Variants in NRK observed in about 807,000 individuals in gnomAD.
NRK encodes the protein Nik related kinase, also known as nik-related protein kinase.
In NRK, 67 loss-of-function variants were observed where a neutral mutation model predicts 125.2. The ratio of observed to expected loss-of-function variants is 0.54; its 90% CI spans 0.44 to 0.66. NRK has a LOEUF of 0.66. Among genes scored for constraint, NRK ranks in the 30% least tolerant of loss-of-function variants. NRK has a pLI of 0.00. For synonymous variants in NRK, 458 were observed against 429.0 expected, an observed-to-expected ratio of 1.07 and a Z score of -0.84; for missense variants, 1,224 against 1,192.9, an observed-to-expected ratio of 1.03 and a Z score of -0.38.
rs1163747636 is a variant in NRK at position 105,830,170 on chromosome X, C to T, written c.58-884C>T. 4.7e-5 allele frequency among the ~76,000 whole-genome samples: 5 copies of T among 107,158 alleles called. No homozygotes were observed. In the Admixed American group the frequency reaches 5.1e-4, roughly 11 times the overall value. 93.1% of individuals were successfully genotyped at this position (107,158 alleles called of 115,157 possible). ...CAGCCTGACCAACATGAAGAAACCC[C>T]GTCTCTGCTAAAAATACAAAATAAG... On this transcript the variant is annotated intron_variant, in intron 1 of 28. Transcript: ENST00000243300.
In NRK at chrX:105,928,470, T is replaced by C. The variant is rs1226947391; in HGVS notation, c.3312+3439T>C. On this transcript the variant is annotated intron_variant, in intron 19 of 28. Coordinates refer to ENST00000243300, the MANE Select transcript of NRK (RefSeq NM_198465.4). ...TGTTGTATTTCTTCTGTATTGTTTT[T>C]GAGTCTCAATTTCATTTACTTTTGC... is the stretch of plus-strand genomic sequence containing the variant. Among the ~76,000 whole-genome samples the C allele has an allele frequency of 2.7e-5, 3 of 111,711 alleles. No homozygotes were observed. The Admixed American group carries it at 2.9e-4, about 11-fold the overall frequency.
intron 19 of NRK, among the ~76,000 whole-genome samples, chrX:105,925,688 A>G (rs758378413): frequency 2.7e-3 from 306 of 111,589 alleles, no homozygotes; most frequent in Non-Finnish European, 4.6e-3. Flanking sequence ...GCATATGAGT[A>G]AGAACATGTG....
intron 2 of NRK, among the ~76,000 whole-genome samples, chrX:105,848,151 CCATT>C (rs1216762316): frequency 1.8e-5 from 2 of 111,635 alleles, no homozygotes; most frequent in Non-Finnish European, 3.8e-5. Context: ...TGATAGGACT[CCATT>C]CAGGTCGTAG....
At chrX:105,943,868 T>A in intron 23 of NRK, 73 bp from the exon 24 acceptor site, 1 of 547,169 alleles carries the variant, frequency 1.8e-6, no homozygotes, top group East Asian at 3.8e-5. Flanking sequence ...TGGCATTTTT[T>A]ATGACAAATA....
rs764355898 is a variant in NRK, at chrX:105,923,145, A to C, written c.2638A>C (p.Ile880Leu). Residue 880 changes from isoleucine to leucine, a missense_variant, in exon 18 of 29, where the codon ATA becomes CTA. Physicochemically the swap from Ile to Leu is conservative, Grantham distance 5. Coordinates refer to ENST00000243300, the MANE Select transcript of NRK (RefSeq NM_198465.4). ...HVPDGFKVGK[I>L]SPPVYLTNEW... Reference sequence around the variant, plus strand: ...TCCAGATGGATTTAAAGTAGGAAAAATATCACCCCCTGTATACTTGACAAA... The same window carrying C: ...TCCAGATGGATTTAAAGTAGGAAAACTATCACCCCCTGTATACTTGACAAA... 33 of 1,201,015 alleles carry C rather than the reference A, an allele frequency of 2.7e-5. No individual in the cohort carries two copies. In the South Asian group the frequency reaches 5.3e-4, roughly 19 times the overall value.
At chrX:105,923,003 A>G (rs1313209024) in intron 17 of NRK, 115 bp from the exon 18 acceptor site, 15 of 790,435 alleles carry the variant, frequency 1.9e-5, no homozygotes, top group Non-Finnish European at 2.5e-5. Flanking sequence ...CTAATGAGTG[A>G]ACATCCTTGT....
intron 9 of NRK, among the ~76,000 whole-genome samples, chrX:105,902,836 A>C (rs1300270032): frequency 9.0e-6 from 1 of 111,233 alleles, no homozygotes; most frequent in Non-Finnish European, 1.9e-5. Flanking sequence ...GAACAGTTTC[A>C]TCCCCAAACC....
chrX:105,891,401 C>T (rs761354877), intron 5 of NRK, among the ~76,000 whole-genome samples: 3 of 112,127 alleles, frequency 2.7e-5, no homozygotes, highest in African/African-American at 9.7e-5. Flanking sequence ...TTAGTATACA[C>T]TTGAATCTCT....
intron 1 of NRK, among the ~76,000 whole-genome samples, chrX:105,823,693 A>C (rs906959823): frequency 9.0e-6 from 1 of 111,512 alleles, no homozygotes; most frequent in African/African-American, 3.3e-5. Flanking sequence ...TAGTAGACTT[A>C]TTATTTTGGC....
At chrX:105,829,790 A>T (rs1306698283) in intron 1 of NRK, among the ~76,000 whole-genome samples, 1 of 111,465 alleles carries the variant, frequency 9.0e-6, no homozygotes, top group Non-Finnish European at 1.9e-5. Context: ...ACTTTTAAAA[A>T]ATTGTCTAAT....
At chrX:105,863,797 T>C (rs1482058951) in intron 2 of NRK, among the ~76,000 whole-genome samples, 1 of 112,163 alleles carries the variant, frequency 8.9e-6, no homozygotes, top group Admixed American at 9.4e-5. Context: ...GACTTCCATT[T>C]CTTACACTGA....
chrX:105,954,814 T>C (rs1372579467), intron 28 of NRK, among the ~76,000 whole-genome samples: 4 of 111,831 alleles, frequency 3.6e-5, no homozygotes, highest in Non-Finnish European at 7.5e-5. Context: ...TCTAAGCCAC[T>C]GGGTTTAACT....
At position 105,925,028 on chromosome X, in the gene NRK, G is replaced by T. The variant is rs2040505424; in HGVS notation, c.3309G>T (p.Gln1103His). 2 of 1,179,917 alleles carry T rather than the reference G, an allele frequency of 1.7e-6. No individual in the cohort carries two copies. The highest frequency in any genetic ancestry group is 3.5e-5 in the African/African-American group (2 of 56,606). Residue 1103 changes from glutamine (Q) to histidine (H), a missense_variant, in exon 19 of 29, where the codon CAG becomes CAT. Gln to His is a conservative substitution (Grantham distance 24, BLOSUM62 0). Transcript: ENST00000243300. ...CGTCTCAGGACTTTGAATATCTACAGGAGGTAATGCACCATTTGAAAAGCA... is the reference window on the plus strand; with the variant it reads ...CGTCTCAGGACTTTGAATATCTACATGAGGTAATGCACCATTTGAAAAGCA... ...RPASQDFEYL[Q>H]EEPGGGNEAS... is the part of the protein sequence containing the mutation.
chrX:105,855,421 AAAG>A (rs756281627), intron 2 of NRK, among the ~76,000 whole-genome samples: 3 of 111,479 alleles, frequency 2.7e-5, no homozygotes, highest in East Asian at 2.8e-4. Flanking sequence ...TGTGAGAGAG[AAAG>A]AAGGAGAGAC....
intron 1 of NRK, among the ~76,000 whole-genome samples, chrX:105,824,032 C>T (rs757414736): frequency 3.6e-5 from 4 of 112,072 alleles, no homozygotes; most frequent in Non-Finnish European, 7.5e-5. Context: ...CTGCCTCCCT[C>T]AAAAATAGGG....
rs370320191 is a variant in NRK, at chrX:105,941,048, C to A, written c.3958+1016C>A. ...AGGTTTAGGTATCACTACTTCCCTCCAAATCATATTATGCAAATGTGATAG... is the reference window on the plus strand; with the variant it reads ...AGGTTTAGGTATCACTACTTCCCTCAAAATCATATTATGCAAATGTGATAG... On this transcript the variant is annotated intron_variant, in intron 23 of 28. Transcript: ENST00000243300. Among the ~76,000 whole-genome samples, 5 of 111,614 alleles carry A rather than the reference C, an allele frequency of 4.5e-5. No individual in the cohort carries two copies. The East Asian group carries it at 8.5e-4, about 19-fold the overall frequency.
intron 4 of NRK, among the ~76,000 whole-genome samples, chrX:105,886,499 T>C (rs1357670530): frequency 9.6e-6 from 1 of 103,956 alleles, no homozygotes; most frequent in African/African-American, 3.5e-5. Context: ...TTATATATAT[T>C]ACATATTGAT....
chrX:105,877,759 A>C (rs955591454), intron 2 of NRK, among the ~76,000 whole-genome samples: 2 of 110,606 alleles, frequency 1.8e-5, no homozygotes, highest in Non-Finnish European at 3.8e-5. Flanking sequence ...TATTTTTCAA[A>C]CCCAATATTA....
At chrX:105,953,944 C>T (rs1215080595) in intron 28 of NRK, among the ~76,000 whole-genome samples, 1 of 111,003 alleles carries the variant, frequency 9.0e-6, no homozygotes, top group Non-Finnish European at 1.9e-5. Context: ...AAGTTGCCAA[C>T]TTACAATGTG....
Sources: allele counts gnomAD v4.1 joint callset (sites outside exome capture counted in the v4.1 genomes callset), GRCh38; gene constraint gnomAD v4.1.1; transcripts MANE v1.5; gene names NCBI Gene and HGNC (gene_info 2026-07-23, HGNC 2026-07-21).